SATB1: variants seen among roughly 807,000 people sequenced by gnomAD.
SATB1 encodes DNA-binding protein SATB1.
SATB1 carries 11 observed loss-of-function variants against 86.9 expected under a neutral mutation model. The ratio of observed to expected loss-of-function variants is 0.13; its 90% CI spans 0.08 to 0.21. SATB1 has a LOEUF of 0.21. Among genes scored for constraint, SATB1 ranks in the 10% least tolerant of loss-of-function variants. The pLI, the probability that SATB1 is intolerant of heterozygous loss-of-function variation, is 1.00. For synonymous variants in SATB1, 357 were observed against 357.2 expected (o/e 1.00, Z 0.01); for missense variants, 551 against 937.6 (o/e 0.59, Z 5.39).
chr3:18,439,639 T>C (rs1266906709), upstream of SATB1, among the ~76,000 whole-genome samples: 1 of 152,120 alleles, frequency 6.6e-6, no homozygotes, highest in Non-Finnish European at 1.5e-5. Context: ...ATGTAACAGA[T>C]TTGATTTATA....
At chr3:18,436,959 C>G (rs1028774550) in intron 1 of SATB1, 3 of 152,122 alleles carry the variant, frequency 2.0e-5, no homozygotes, top group Non-Finnish European at 2.9e-5. Flanking sequence ...CTTTAAATCC[C>G]TCTAGTTTCA....
intron 9 of SATB1, among the ~76,000 whole-genome samples, chr3:18,365,536 C>T (rs1286389377): frequency 6.6e-6 from 1 of 152,096 alleles, no homozygotes; most frequent in Non-Finnish European, 1.5e-5. Context: ...TGATCACTGC[C>T]TCTCAAAGAG....
chr3:18,349,780 T>C lies in SATB1; in HGVS notation c.1780-98A>G, dbSNP rs760840885. On this transcript the variant is annotated intron_variant, in intron 10 of 10. Coordinates refer to ENST00000338745, the MANE Select transcript of SATB1 (RefSeq NM_002971.6). This position sits in a 1 kb window ranked among gnomAD's most constrained non-coding sequence, Gnocchi z 5.5. ...AAAATGTGGTCCCGGATCCTACATATAGCTTCTTTGATAGGGATGAAGATT... is the reference window on the plus strand; with the variant it reads ...AAAATGTGGTCCCGGATCCTACATACAGCTTCTTTGATAGGGATGAAGATT... 4.1e-6 allele frequency: 6 copies of C among 1,462,658 alleles called. No individual in the cohort carries two copies. Among genetic ancestry groups the C allele is most frequent in the Non-Finnish European group, 4.5e-6 (5 of 1,110,942 alleles). The allele number at this position is 1,462,658 out of a possible 1,614,324, so 90.6% of individuals were successfully genotyped here.
At chr3:18,387,622 G>A (rs1005204047) in intron 7 of SATB1, among the ~76,000 whole-genome samples, 18 of 152,164 alleles carry the variant, frequency 1.2e-4, no homozygotes, top group African/African-American at 3.6e-4. Flanking sequence ...TAAGGGCTAA[G>A]CAGCTCTTCT....
intron 5 of SATB1, among the ~76,000 whole-genome samples, chr3:18,401,616 G>A (rs1429743643): frequency 6.6e-6 from 1 of 152,122 alleles, no homozygotes; most frequent in African/African-American, 2.4e-5. Flanking sequence ...AACTCAGTCG[G>A]TTGAAATACC....
chr3:18,445,430 T>G (rs1429208207), intron 1 of SATB1: 1 of 985,076 alleles, frequency 1.0e-6, no homozygotes, highest in African/African-American at 1.8e-5. Flanking sequence ...GACAGGACCC[T>G]CAGCCTCGAG....
In SATB1 at chr3:18,349,861, A is replaced by G; in HGVS notation, c.1780-179T>C. On this transcript the variant is annotated intron_variant, in intron 10 of 10. Coordinates refer to ENST00000338745, the MANE Select transcript of SATB1 (RefSeq NM_002971.6). This position sits in a 1 kb window ranked among gnomAD's most constrained non-coding sequence, Gnocchi z 5.5. ...CGACAGCATTTACAAAAAAATCAAA[A>G]TGATATGACTAGGAAGGGATGAATT... The G allele has an allele frequency of 9.0e-7, 1 of 1,107,034 alleles. No homozygotes were observed. Among genetic ancestry groups the G allele is most frequent in the South Asian group, 1.7e-5 (1 of 57,596 alleles). The allele number at this position is 1,107,034 out of a possible 1,614,324, so 68.6% of individuals were successfully genotyped here. A position where few individuals can be genotyped will look rare whatever the true frequency, so the allele number is the denominator to read the frequency against.
intron 8 of SATB1, among the ~76,000 whole-genome samples, chr3:18,379,460 G>C (rs555080625): frequency 2.0e-5 from 3 of 152,248 alleles, no homozygotes; most frequent in Admixed American, 6.5e-5. Context: ...CTATCCTCTA[G>C]AAACTTACCA....
At position 18,445,253 on chromosome 3, in the gene SATB1, C is replaced by G. The variant is rs947321912; in HGVS notation, c.-25+265G>C. ...GGAGCCTCGGCGGCCGCTGGCGACA[C>G]TAGGCGCACTGAAGCCCGAGCCGAG... On this transcript the variant is annotated intron_variant, in intron 1 of 3. Transcript: ENST00000415069. The G allele has an allele frequency of 8.1e-6, 8 of 982,620 alleles. No individual in the cohort carries two copies. In the African/African-American group the frequency reaches 1.4e-4, roughly 17 times the overall value. The allele number at this position is 982,620 out of a possible 1,614,324, so 60.9% of individuals were successfully genotyped here. A position where few individuals can be genotyped will look rare whatever the true frequency, so the allele number is the denominator to read the frequency against.
intron 4 of SATB1, 72 bp from the exon 5 acceptor site, chr3:18,415,306 A>C (rs999562231): frequency 2.6e-6 from 4 of 1,566,390 alleles, no homozygotes; most frequent in African/African-American, 2.7e-5. Flanking sequence ...CCTTTAAGAC[A>C]GACAGATTTC....
At chr3:18,388,574 T>C (rs534455617) in intron 7 of SATB1, among the ~76,000 whole-genome samples, 71 of 152,234 alleles carry the variant, frequency 4.7e-4, no homozygotes, top group African/African-American at 1.6e-3. Context: ...ATTTACTAAA[T>C]GGACTGATCA....
chr3:18,439,437 C>T (rs1699176763), upstream of SATB1, among the ~76,000 whole-genome samples: 1 of 151,872 alleles, frequency 6.6e-6, no homozygotes. Flanking sequence ...TTAAAAAAGA[C>T]TTAAAAAAAT....
intron 2 of SATB1, 80 bp downstream of exon 2, chr3:18,420,677 C>T: frequency 1.8e-6 from 2 of 1,112,896 alleles, no homozygotes; most frequent in Admixed American, 1.8e-5. Context: ...ACATGTTCTG[C>T]CACTCCACCC....
intron 9 of SATB1, among the ~76,000 whole-genome samples, chr3:18,353,401 C>T (rs1201030115): frequency 6.6e-6 from 1 of 152,156 alleles, no homozygotes; most frequent in African/African-American, 2.4e-5. Flanking sequence ...CTATCCTCCT[C>T]CTTTCTTCCC....
At chr3:18,390,242 T>C (rs944689986) in intron 7 of SATB1, among the ~76,000 whole-genome samples, 1 of 152,158 alleles carries the variant, frequency 6.6e-6, no homozygotes, top group Non-Finnish European at 1.5e-5. Flanking sequence ...CTGATTCAAA[T>C]AGATTTTATC....
At chr3:18,445,117 G>C (rs1410737523) in intron 1 of SATB1, 1 of 698,194 alleles carries the variant, frequency 1.4e-6, no homozygotes, top group Non-Finnish European at 1.8e-6. Context: ...GGGGCTCGGC[G>C]GACCCCGCGT....
chr3:18,397,238 G>T lies in SATB1; in HGVS notation c.692C>A (p.Ala231Glu). Residue 231 changes from alanine (A) to glutamate (E), a missense_variant, in exon 6 of 11, where the codon GCA becomes GAA. By Grantham distance (107) the Ala-to-Glu change is moderately radical. This residue lies in a region of SATB1 where 7 missense variants were observed against 35.8 expected (regional missense o/e 0.20). Transcript: ENST00000338745. ...CCACCTTCCAAATTCTTGACATTTT[G>T]CTGCTGAGACATTTGCATAGTAAGT... ...NSTYYANVSA[A>E]KCQEFGRWYK... 6.2e-7 allele frequency: 1 copy of T among 1,612,756 alleles called. No individual in the cohort carries two copies. The highest frequency in any genetic ancestry group is 8.5e-7 in the Non-Finnish European group (1 of 1,178,940).
chr3:18,394,952 A>G lies in SATB1; in HGVS notation c.752-36T>C. Reference sequence around the variant, plus strand: ...CAAAGAGTAAAATCACATTCAGCCAACAATGATTGGCATTGATAAAGATTT... The same window carrying G: ...CAAAGAGTAAAATCACATTCAGCCAGCAATGATTGGCATTGATAAAGATTT... On this transcript the variant is annotated intron_variant, in intron 6 of 10. Transcript: ENST00000338745. The surrounding 1 kb of genome is among the most constrained non-coding windows in gnomAD (Gnocchi z 5.9). The G allele has an allele frequency of 6.9e-7, 1 of 1,443,908 alleles. No individual in the cohort carries two copies. The highest frequency in any genetic ancestry group is 9.3e-7 in the Non-Finnish European group (1 of 1,070,408). The allele number at this position is 1,443,908 out of a possible 1,614,324, so 89.4% of individuals were successfully genotyped here.
At chr3:18,441,888 T>C (rs1391673419), upstream of SATB1, among the ~76,000 whole-genome samples, 1 of 152,276 alleles carries the variant, frequency 6.6e-6, no homozygotes, top group East Asian at 1.9e-4. Flanking sequence ...CACAGGTTCA[T>C]ATAGCTGGCA....
Sources: allele counts gnomAD v4.1 joint callset (sites outside exome capture counted in the v4.1 genomes callset), GRCh38; gene constraint gnomAD v4.1.1; regional missense constraint gnomAD v4.1.1; non-coding constraint Gnocchi (gnomAD v3.1); transcripts MANE v1.5; gene names NCBI Gene and HGNC (gene_info 2026-07-23, HGNC 2026-07-21).